Variants in GPHN observed in about 807,000 individuals in gnomAD.
The protein encoded by GPHN is gephyrin.
Under a neutral mutation model 95.5 loss-of-function variants are expected in GPHN, and 17 were observed. That is an observed-to-expected ratio of 0.18 (90% confidence interval 0.12 to 0.27). The LOEUF is 0.27. GPHN is among the 10% of genes least tolerant of loss of function. The pLI is 1.00. For synonymous variants in GPHN, 320 were observed against 322.5 expected, an observed-to-expected ratio of 0.99 and a Z score of 0.08; for missense variants, 660 against 978.1, an observed-to-expected ratio of 0.67 and a Z score of 4.34.
At chr14:66,639,746 G>A (rs2064291378) in intron 1 of GPHN, among the ~76,000 whole-genome samples, 1 of 151,558 alleles carries the variant, frequency 6.6e-6, no homozygotes, top group Admixed American at 6.6e-5. Context: ...ATATATATGT[G>A]TATATATGTA....
At chr14:67,586,318 T>C in the GPHN span, 1 of 1,299,338 alleles carries the variant, frequency 7.7e-7, no homozygotes, top group Non-Finnish European at 1.1e-6. Flanking sequence ...GAACTAACTC[T>C]GGCCTAGCTA....
chr14:66,871,762 T>G (rs2063446195), intron 4 of GPHN, among the ~76,000 whole-genome samples: 2 of 146,956 alleles, frequency 1.4e-5, no homozygotes, highest in African/African-American at 5.0e-5. Flanking sequence ...CAACACACAC[T>G]GGGGCCTGTC....
At chr14:66,808,616 GT>G (rs1405451668) in intron 3 of GPHN, among the ~76,000 whole-genome samples, 11 of 152,300 alleles carry the variant, frequency 7.2e-5, no homozygotes, top group African/African-American at 2.6e-4. Flanking sequence ...GACCAACATG[GT>G]GAAACCCCAT....
chr14:66,552,743 T>C (rs986748348), intron 1 of GPHN, among the ~76,000 whole-genome samples: 2 of 152,172 alleles, frequency 1.3e-5, no homozygotes, highest in African/African-American at 2.4e-5. Context: ...TTTAAAGATA[T>C]CATTTTACTG....
chr14:67,342,223 T>TA, the GPHN span, among the ~76,000 whole-genome samples: 12 of 93,460 alleles, frequency 1.3e-4, no homozygotes, highest in South Asian at 4.4e-4. Context: ...TAAAATAAAA[T>TA]AAAAAAAAAC....
rs1326295422 is a variant in GPHN, at chr14:67,034,478, CA to C, written c.1006+10804del. ...TTAAGTGTAATTGGATTAAACTCCC[CA>C]GTAAAAAGACAAAGTGAATTAATGG... On this transcript the variant is annotated intron_variant, in intron 10 of 22. Transcript: ENST00000478722. Among the ~76,000 whole-genome samples, 3 of 151,982 alleles carry C rather than the reference CA, an allele frequency of 2.0e-5. No individual in the cohort carries two copies. The East Asian group carries it at 5.8e-4, about 29-fold the overall frequency.
chr14:67,466,953 C>T, the GPHN span, among the ~76,000 whole-genome samples: 3,705 of 149,398 alleles, frequency 0.025, 145 homozygotes, highest in African/African-American at 0.086. Flanking sequence ...CGAGATCGCG[C>T]CACTGCACTC....
the GPHN span, among the ~76,000 whole-genome samples, chr14:67,344,787 C>T: frequency 6.6e-6 from 1 of 151,528 alleles, no homozygotes; most frequent in Non-Finnish European, 1.5e-5. Context: ...GAGGCTGAGG[C>T]GGGAGACTGC....
the GPHN span, among the ~76,000 whole-genome samples, chr14:67,379,070 A>G: frequency 6.6e-6 from 1 of 152,214 alleles, no homozygotes; most frequent in Non-Finnish European, 1.5e-5. Context: ...TAATCTCTAT[A>G]TAGTATTTCA....
the GPHN span, chr14:67,204,504 C>A: frequency 2.5e-6 from 4 of 1,588,900 alleles, no homozygotes; most frequent in East Asian, 2.3e-5. Flanking sequence ...CCCATCAGGT[C>A]TCCAGATGAT....
chr14:67,230,864 T>C, the GPHN span, among the ~76,000 whole-genome samples: 1 of 152,212 alleles, frequency 6.6e-6, no homozygotes. Flanking sequence ...AAATATTAAA[T>C]AGTTCCAGAA....
intron 1 of GPHN, among the ~76,000 whole-genome samples, chr14:66,524,371 A>C (rs2058602634): frequency 6.6e-6 from 1 of 152,144 alleles, no homozygotes; most frequent in Non-Finnish European, 1.5e-5. Flanking sequence ...AAGGGAAATA[A>C]ATATTATGTA....
chr14:66,840,619 T>TA (rs35170402), intron 4 of GPHN, among the ~76,000 whole-genome samples: 44,713 of 151,620 alleles, frequency 0.29, 10,659 homozygotes, highest in African/African-American at 0.63. Context: ...AAAACTTTAT[T>TA]ACGGCCACTG....
At chr14:67,286,442 A>T in the GPHN span, among the ~76,000 whole-genome samples, 1 of 152,148 alleles carries the variant, frequency 6.6e-6, no homozygotes, top group Non-Finnish European at 1.5e-5. Flanking sequence ...GTTACATCTG[A>T]ATGGATTTTT....
At chr14:67,132,876 AT>A (rs999294844) in intron 17 of GPHN, among the ~76,000 whole-genome samples, 6 of 151,020 alleles carry the variant, frequency 4.0e-5, no homozygotes, top group Admixed American at 2.0e-4. Flanking sequence ...TATGATATAT[AT>A]TTTTTCATTT....
chr14:67,110,436 T>C, intron 14 of GPHN, 177 bp downstream of exon 14: 1 of 637,116 alleles, frequency 1.6e-6, no homozygotes. Context: ...ATAAGAAATT[T>C]CCTTAATCTT....
rs182307392 is a variant in GPHN, at chr14:66,673,597, T to C, written c.65-7510T>C. 1.4e-4 allele frequency among the ~76,000 whole-genome samples: 22 copies of C among 152,372 alleles called. No homozygotes were observed. The East Asian group carries it at 2.7e-3, about 19-fold the overall frequency. On this transcript the variant is annotated intron_variant, in intron 1 of 22. Transcript: ENST00000478722. ...TATAAGCCTACATAATCATATACAT[T>C]GTTGCTATTATTATTTTGAACAAAC...
chr14:67,295,699 A>G, the GPHN span, among the ~76,000 whole-genome samples: 1 of 152,248 alleles, frequency 6.6e-6, no homozygotes, highest in African/African-American at 2.4e-5. Flanking sequence ...ATTACAATTT[A>G]AAAGACTGTC....
chr14:67,619,981 TC>T, the GPHN span: 1 of 1,594,622 alleles, frequency 6.3e-7, no homozygotes, highest in Non-Finnish European at 8.5e-7. Context: ...GCGGATCATG[TC>T]CCTAAGGGGC....
Sources: allele counts gnomAD v4.1 joint callset (sites outside exome capture counted in the v4.1 genomes callset), GRCh38; gene constraint gnomAD v4.1.1; transcripts MANE v1.5; gene names NCBI Gene and HGNC (gene_info 2026-07-23, HGNC 2026-07-21).